PRKCE: variants seen among roughly 807,000 people sequenced by gnomAD.
PRKCE encodes protein kinase C epsilon, also known as protein kinase C epsilon type.
Under a neutral mutation model 85.4 loss-of-function variants are expected in PRKCE, and 16 were observed. The observed-to-expected ratio is 0.19, with a 90% CI of 0.13 to 0.28. PRKCE has a LOEUF of 0.28. Ranked by LOEUF, PRKCE falls within the 10% of genes least tolerant of loss-of-function variation. PRKCE has a pLI of 1.00. For missense variants in PRKCE, 573 were observed against 975.2 expected (o/e 0.59, Z 5.49); for synonymous variants, 388 against 371.5 (o/e 1.04, Z -0.51).
chr2:46,107,889 A>AT (rs890867612), intron 11 of PRKCE, among the ~76,000 whole-genome samples: 16 of 152,004 alleles, frequency 1.1e-4, no homozygotes, highest in Non-Finnish European at 1.8e-4. Context: ...TCTTTTGCCC[A>AT]TTTTTTAATT....
intron 11 of PRKCE, among the ~76,000 whole-genome samples, chr2:46,104,417 G>A (rs1470149395): frequency 1.4e-5 from 2 of 147,454 alleles, no homozygotes; most frequent in Admixed American, 1.4e-4. Context: ...GGTATTTATT[G>A]TTTCAGGCTT....
intron 10 of PRKCE, among the ~76,000 whole-genome samples, chr2:46,062,168 A>C (rs1365587414): frequency 6.6e-6 from 1 of 152,110 alleles, no homozygotes; most frequent in Non-Finnish European, 1.5e-5. Flanking sequence ...AGCCTCATGC[A>C]TACATTAAGT....
chr2:45,945,575 A>G (rs964512011), intron 2 of PRKCE, among the ~76,000 whole-genome samples: 1 of 152,206 alleles, frequency 6.6e-6, no homozygotes, highest in African/African-American at 2.4e-5. Flanking sequence ...CAGCCAGGCT[A>G]CACCACAACC....
intron 14 of PRKCE, among the ~76,000 whole-genome samples, chr2:46,176,170 G>T (rs1679403696): frequency 6.6e-6 from 1 of 152,132 alleles, no homozygotes; most frequent in South Asian, 2.1e-4. Flanking sequence ...AGATAAGGGT[G>T]AAAACCACTA....
chr2:46,140,833 G>T (rs910927639), intron 11 of PRKCE, among the ~76,000 whole-genome samples: 1 of 151,484 alleles, frequency 6.6e-6, no homozygotes, highest in South Asian at 2.1e-4. Context: ...CCTAAAAATC[G>T]ATAAAAAACA....
chr2:46,030,901 G>T (rs1009278626), intron 10 of PRKCE, among the ~76,000 whole-genome samples: 2 of 152,134 alleles, frequency 1.3e-5, no homozygotes, highest in African/African-American at 4.8e-5. Context: ...TTCGTTACGT[G>T]TTTCCTTTTA....
intron 14 of PRKCE, among the ~76,000 whole-genome samples, chr2:46,173,540 C>T (rs1422286621): frequency 6.6e-6 from 1 of 152,248 alleles, no homozygotes; most frequent in African/African-American, 2.4e-5. Context: ...AGACAAGGAA[C>T]ATGTTCCTCA....
chr2:45,859,527 G>C (rs1692974651), intron 2 of PRKCE, among the ~76,000 whole-genome samples: 2 of 152,138 alleles, frequency 1.3e-5, no homozygotes, highest in Non-Finnish European at 2.9e-5. Context: ...TGGGTGATAT[G>C]CCATTATAGT....
chr2:46,067,711 G>A (rs143243601), intron 10 of PRKCE, among the ~76,000 whole-genome samples: 1 of 152,300 alleles, frequency 6.6e-6, no homozygotes, highest in Non-Finnish European at 1.5e-5. Flanking sequence ...TGAAATTAAC[G>A]CATAAAACTT....
At chr2:45,820,818 A>C (rs1689468245) in intron 1 of PRKCE, among the ~76,000 whole-genome samples, 1 of 152,042 alleles carries the variant, frequency 6.6e-6, no homozygotes, top group South Asian at 2.1e-4. Context: ...AGGCCCCAAG[A>C]GATTGTCCTG....
intron 10 of PRKCE, among the ~76,000 whole-genome samples, chr2:46,063,971 T>G (rs1667381828): frequency 6.6e-6 from 1 of 152,178 alleles, no homozygotes. Context: ...TTGCTAACAG[T>G]ATTTTACTGT....
chr2:45,677,888 C>T (rs1676599812), intron 1 of PRKCE: 7 of 985,344 alleles, frequency 7.1e-6, no homozygotes, highest in Admixed American at 6.1e-5. Context: ...CAGGACACCA[C>T]GGAAGTTCTG....
chr2:45,804,849 C>T (rs1688124565), intron 1 of PRKCE, among the ~76,000 whole-genome samples: 1 of 151,344 alleles, frequency 6.6e-6, no homozygotes, highest in African/African-American at 2.4e-5. Flanking sequence ...AACCAGGAAT[C>T]AAATTTGATT....
At chr2:45,824,433 C>T (rs1439900011) in intron 1 of PRKCE, among the ~76,000 whole-genome samples, 2 of 152,124 alleles carry the variant, frequency 1.3e-5, no homozygotes, top group African/African-American at 2.4e-5. Flanking sequence ...GTCTCTTAAG[C>T]GGGGCGTGTT....
chr2:45,939,293 T>TG (rs1699708771), intron 2 of PRKCE, among the ~76,000 whole-genome samples: 2 of 152,198 alleles, frequency 1.3e-5, no homozygotes, highest in African/African-American at 4.8e-5. Context: ...TGACAAGAGA[T>TG]GGGCTTGTCT....
In PRKCE at chr2:45,978,933, T is replaced by G. The variant is rs780588930; in HGVS notation, c.573-43T>G. ...TTTTTCTGTTTGTTTTTTGACCTGG[T>G]AAGATTTCACTTTTTTTAAAAAAAT... is the stretch of plus-strand genomic sequence containing the variant. On this transcript the variant is annotated intron_variant, in intron 3 of 14. Coordinates refer to ENST00000306156, the MANE Select transcript of PRKCE (RefSeq NM_005400.3). 1.9e-6 allele frequency: 3 copies of G among 1,585,690 alleles called. No individual in the cohort carries two copies. The East Asian group carries it at 6.7e-5, about 35-fold the overall frequency.
intron 1 of PRKCE, among the ~76,000 whole-genome samples, chr2:45,814,424 C>A (rs1403453672): frequency 6.6e-6 from 1 of 152,232 alleles, no homozygotes; most frequent in East Asian, 1.9e-4. Flanking sequence ...AGCTGGAGGT[C>A]AGAGCCTTAC....
At chr2:45,918,966 G>A (rs1573876913) in intron 2 of PRKCE, among the ~76,000 whole-genome samples, 1 of 152,242 alleles carries the variant, frequency 6.6e-6, no homozygotes, top group Admixed American at 6.5e-5. Flanking sequence ...AGGGAGAGCT[G>A]GCATGATATG....
At chr2:45,694,104 G>C (rs1677954310) in intron 1 of PRKCE, among the ~76,000 whole-genome samples, 1 of 151,208 alleles carries the variant, frequency 6.6e-6, no homozygotes, top group African/African-American at 2.4e-5. Flanking sequence ...ATATGAGGAT[G>C]AGAGGCTTAC....
Sources: gnomAD v4.1 joint callset for allele counts (sites outside exome capture counted in the v4.1 genomes callset) on GRCh38, gnomAD v4.1.1 for gene constraint, MANE v1.5 for transcripts, NCBI Gene and HGNC (gene_info 2026-07-23, HGNC 2026-07-21) for gene names.